The following AADACL4 variants were observed in gnomAD, a reference collection of about 807,000 sequenced individuals.
AADACL4 encodes arylacetamide deacetylase like 4.
In AADACL4, 9 loss-of-function variants were observed where a neutral mutation model predicts 14.1. The observed-to-expected ratio is 0.64, with a 90% CI of 0.39 to 1.12. AADACL4 has a LOEUF of 1.12. Ranked by LOEUF, AADACL4 falls within the 50% of genes most tolerant of loss-of-function variation. The probability of loss-of-function intolerance (pLI) is 0.01; values close to 1 mark genes in which losing one functional copy is unlikely to be tolerated. For missense variants in AADACL4, 531 were observed against 516.1 expected, an observed-to-expected ratio of 1.03 and a Z score of -0.28; for synonymous variants, 188 against 201.6, an observed-to-expected ratio of 0.93 and a Z score of 0.57.
chr1:12,657,527 G>A (rs969721014), intron 2 of AADACL4, among the ~76,000 whole-genome samples: 6 of 152,146 alleles, frequency 3.9e-5, no homozygotes, highest in African/African-American at 9.7e-5. Flanking sequence ...ATTCAAGGAC[G>A]AGTCAGAAAA....
intron 1 of AADACL4, among the ~76,000 whole-genome samples, chr1:12,646,440 C>A (rs1647112188): frequency 1.3e-5 from 2 of 152,310 alleles, no homozygotes; most frequent in South Asian, 4.1e-4. Context: ...TTTAGAGACA[C>A]CGACAAGTTC....
At chr1:12,658,135 C>CCTTTCTTCCTTT (rs1491396336) in intron 2 of AADACL4, among the ~76,000 whole-genome samples, 1 of 87,298 alleles carries the variant, frequency 1.1e-5, no homozygotes, top group African/African-American at 6.5e-5. Flanking sequence ...TTCCTTCCTT[C>CCTTTCTTCCTTT]CTTCCTTTCT....
chr1:12,660,638 C>T (rs1468986795), intron 2 of AADACL4, among the ~76,000 whole-genome samples: 1 of 152,048 alleles, frequency 6.6e-6, no homozygotes, highest in Non-Finnish European at 1.5e-5. Flanking sequence ...GTGGGCAGGA[C>T]CCAGGCATCA....
intron 2 of AADACL4, among the ~76,000 whole-genome samples, chr1:12,657,436 T>C (rs1647183938): frequency 6.6e-6 from 1 of 152,178 alleles, no homozygotes; most frequent in African/African-American, 2.4e-5. Context: ...ATGATACTGC[T>C]GGTCTGGGGG....
intron 1 of AADACL4, 47 bp from the exon 2 acceptor site, chr1:12,651,076 A>T: frequency 6.4e-7 from 1 of 1,564,436 alleles, no homozygotes; most frequent in African/African-American, 1.4e-5. Flanking sequence ...TACCATCCAG[A>T]TTCTAACCTC....
Position 12,666,612 on chromosome 1 carries a change from G to T in AADACL4, c.1101G>T (p.Val367=), listed in dbSNP as rs1032001615. 6.2e-7 allele frequency: 1 copy of T among 1,614,210 alleles called. No individual in the cohort carries two copies. The highest frequency in any genetic ancestry group is 8.5e-7 in the Non-Finnish European group (1 of 1,180,038). The part of the protein sequence containing the change: ...KKRLEDQGVR[V]TWYHLYDGFH... ...GCTTGGAGGACCAGGGGGTCCGCGT[G>T]ACATGGTACCACCTGTATGATGGTT... The change falls in exon 4 of 4, where the codon GTG becomes GTT. Residue 367 remains valine, a synonymous_variant. Coordinates refer to ENST00000376221, the MANE Select transcript of AADACL4 (RefSeq NM_001013630.2).
chr1:12,649,232 A>G (rs1647130325), intron 1 of AADACL4, among the ~76,000 whole-genome samples: 1 of 152,188 alleles, frequency 6.6e-6, no homozygotes, highest in Admixed American at 6.5e-5. Flanking sequence ...GCCCCACGTG[A>G]ACATGACTCT....
Position 12,652,226 on chromosome 1 carries a change from C to G in AADACL4, c.385+887C>G, listed in dbSNP as rs1255245607. Reference sequence around the variant, plus strand: ...ACCCAGACTCCTCCCACAGCCTCACCCGGGTCACCTGTGGTGTCCTTTACC... The same window carrying G: ...ACCCAGACTCCTCCCACAGCCTCACGCGGGTCACCTGTGGTGTCCTTTACC... On this transcript the variant is annotated intron_variant, in intron 2 of 3. Transcript: ENST00000376221. 2.0e-5 allele frequency among the ~76,000 whole-genome samples: 3 copies of G among 152,298 alleles called. No homozygotes were observed. The South Asian group carries it at 6.2e-4, about 32-fold the overall frequency.
At position 12,645,852 on chromosome 1, in the gene AADACL4, G is replaced by A. The variant is rs932254420; in HGVS notation, c.168+1138G>A. ...AGCCACTGCACCTAGCTTCACAGGTGTTTTTTTCCTTATTCATCTCTGTAA... is the reference window on the plus strand; with the variant it reads ...AGCCACTGCACCTAGCTTCACAGGTATTTTTTTCCTTATTCATCTCTGTAA... On this transcript the variant is annotated intron_variant, in intron 1 of 3. Transcript: ENST00000376221. Among the ~76,000 whole-genome samples the A allele has an allele frequency of 1.8e-4, 28 of 152,238 alleles. No homozygotes were observed. The Middle Eastern group carries it at 0.01, about 55-fold the overall frequency.
In AADACL4 at chr1:12,666,340, G is replaced by A. The variant is rs200615424; in HGVS notation, c.829G>A (p.Val277Ile). ...ILNGTCVPPD[V>I]WRKYEKWLSP... Reference sequence around the variant, plus strand: ...GAACGGCACTTGTGTACCCCCAGACGTCTGGAGGAAGTACGAGAAGTGGCT... The same window carrying A: ...GAACGGCACTTGTGTACCCCCAGACATCTGGAGGAAGTACGAGAAGTGGCT... The change falls in exon 4 of 4, where the codon GTC (valine) becomes ATC (isoleucine). Residue 277 changes from valine (V) to isoleucine (I), a missense_variant. Coordinates refer to ENST00000376221, the MANE Select transcript of AADACL4 (RefSeq NM_001013630.2). 107 of 1,614,174 alleles carry A rather than the reference G, an allele frequency of 6.6e-5. No individual in the cohort carries two copies. The highest frequency in any genetic ancestry group is 1.6e-4 in the Middle Eastern group (1 of 6,062).
At chr1:12,651,670 T>A (rs79730972) in intron 2 of AADACL4, among the ~76,000 whole-genome samples, 1,580 of 152,006 alleles carry the variant, frequency 0.01, 30 homozygotes, top group African/African-American at 0.036. Context: ...TTTACAATGA[T>A]CCCAAACCCA....
At chr1:12,652,413 A>T (rs1487582207) in intron 2 of AADACL4, among the ~76,000 whole-genome samples, 1 of 152,188 alleles carries the variant, frequency 6.6e-6, no homozygotes, top group Non-Finnish European at 1.5e-5. Flanking sequence ...GTTGTATCTC[A>T]ACTGTCCCTC....
At chr1:12,662,934 C>T (rs909650602) in intron 3 of AADACL4, among the ~76,000 whole-genome samples, 1 of 152,156 alleles carries the variant, frequency 6.6e-6, no homozygotes, top group Admixed American at 6.5e-5. Flanking sequence ...ACAGGTAGCA[C>T]ATAAAGGTAT....
chr1:12,654,236 G>A (rs1009249281), intron 2 of AADACL4, among the ~76,000 whole-genome samples: 9 of 152,208 alleles, frequency 5.9e-5, no homozygotes, highest in Non-Finnish European at 1.3e-4. Flanking sequence ...TTGAACTACT[G>A]TTTGGTTTTT....
chr1:12,660,182 A>C (rs1647215514), intron 2 of AADACL4, among the ~76,000 whole-genome samples: 1 of 152,220 alleles, frequency 6.6e-6, no homozygotes, highest in Non-Finnish European at 1.5e-5. Context: ...TTCTGGGCTC[A>C]AGTGATCCTC....
chr1:12,648,901 C>T (rs1230344557), intron 1 of AADACL4, among the ~76,000 whole-genome samples: 2 of 152,156 alleles, frequency 1.3e-5, no homozygotes, highest in African/African-American at 4.8e-5. Flanking sequence ...GTTAAACTTT[C>T]CGGGGTAGCG....
At chr1:12,657,463 T>C (rs762812762) in intron 2 of AADACL4, among the ~76,000 whole-genome samples, 9 of 152,100 alleles carry the variant, frequency 5.9e-5, no homozygotes, top group South Asian at 4.1e-4. Context: ...CCAAATGCCA[T>C]TGGGACGTTG....
intron 2 of AADACL4, among the ~76,000 whole-genome samples, chr1:12,657,347 T>C (rs1647183605): frequency 6.6e-6 from 1 of 151,916 alleles, no homozygotes; most frequent in Non-Finnish European, 1.5e-5. Flanking sequence ...GGACTCAAAC[T>C]AAGGTTGGAG....
At chr1:12,650,907 A>G (rs774539081) in intron 1 of AADACL4, among the ~76,000 whole-genome samples, 6 of 152,136 alleles carry the variant, frequency 3.9e-5, no homozygotes, top group Non-Finnish European at 8.8e-5. Flanking sequence ...AATTCACATC[A>G]TTATTCAATC....
Sources: allele counts gnomAD v4.1 joint callset (sites outside exome capture counted in the v4.1 genomes callset), GRCh38; gene constraint gnomAD v4.1.1; transcripts MANE v1.5; gene names NCBI Gene and HGNC (gene_info 2026-07-23, HGNC 2026-07-21).